The following CDH12 variants were observed in gnomAD, a reference collection of about 807,000 sequenced individuals.
CDH12 encodes cadherin 12, also known as cadherin-12.
In CDH12, 41 loss-of-function variants were observed where a neutral mutation model predicts 74.1. The ratio of observed to expected loss-of-function variants is 0.55; its 90% CI spans 0.43 to 0.72. The LOEUF is 0.72. CDH12 is among the 30% of genes least tolerant of loss of function. The pLI, the probability that CDH12 is intolerant of heterozygous loss-of-function variation, is 0.00. For synonymous variants in CDH12, 399 were observed against 355.0 expected (o/e 1.12, Z -1.39); for missense variants, 945 against 977.2 (o/e 0.97, Z 0.44).
chr5:22,762,368 T>C (rs1327126045), intron 1 of CDH12, among the ~76,000 whole-genome samples: 1 of 152,114 alleles, frequency 6.6e-6, no homozygotes, highest in Non-Finnish European at 1.5e-5. Context: ...ATTTGTTAGT[T>C]GTTAGATTTA....
At chr5:22,490,716 C>T (rs1279902239) in intron 2 of CDH12, among the ~76,000 whole-genome samples, 2 of 151,828 alleles carry the variant, frequency 1.3e-5, no homozygotes, top group Non-Finnish European at 2.9e-5. Flanking sequence ...TTAAATAAAC[C>T]CCACACAACT....
At chr5:22,031,362 A>G (rs1422292737) in intron 5 of CDH12, among the ~76,000 whole-genome samples, 1 of 152,086 alleles carries the variant, frequency 6.6e-6, no homozygotes, top group Non-Finnish European at 1.5e-5. Flanking sequence ...AAATAAAAAG[A>G]GAGAGAATGT....
intron 6 of CDH12, chr5:21,883,357 C>G: frequency 6.5e-7 from 1 of 1,527,170 alleles, no homozygotes; most frequent in South Asian, 1.1e-5. Context: ...AGTGTCCAGT[C>G]CATTGTACCT....
chr5:22,307,859 G>T (rs1738179916), intron 3 of CDH12, among the ~76,000 whole-genome samples: 1 of 132,814 alleles, frequency 7.5e-6, no homozygotes, highest in Non-Finnish European at 1.6e-5. Flanking sequence ...ATATATTTTT[G>T]CTGCTTTCTT....
chr5:22,432,435 T>G (rs1297574179), intron 2 of CDH12, among the ~76,000 whole-genome samples: 1 of 152,154 alleles, frequency 6.6e-6, no homozygotes, highest in Admixed American at 6.6e-5. Context: ...TTTTATTATT[T>G]ATGTTGGTAT....
At chr5:22,389,680 ACT>A (rs1742146704) in intron 3 of CDH12, among the ~76,000 whole-genome samples, 1 of 143,278 alleles carries the variant, frequency 7.0e-6, no homozygotes, top group Admixed American at 7.3e-5. Context: ...ACAGAGTCTC[ACT>A]CTGTCGCCAG....
At chr5:22,230,740 A>T (rs941387368) in intron 3 of CDH12, among the ~76,000 whole-genome samples, 16 of 152,060 alleles carry the variant, frequency 1.1e-4, no homozygotes, top group African/African-American at 3.9e-4. Flanking sequence ...AAGTGCTGGG[A>T]TTACAGTTGT....
chr5:22,617,440 T>C lies in CDH12; in HGVS notation c.-522-112076A>G, dbSNP rs141708055. Among the ~76,000 whole-genome samples the C allele has an allele frequency of 5.1e-4, 78 of 152,220 alleles. No individual in the cohort carries two copies. The East Asian group carries it at 0.015, about 29-fold the overall frequency. On this transcript the variant is annotated intron_variant, in intron 1 of 14. Transcript: ENST00000382254. Reference sequence around the variant, plus strand: ...GGGTAATAAAGCAGAGGGGAGATCATATGTTTAGGAAAAACTTCACATTGC... The same window carrying C: ...GGGTAATAAAGCAGAGGGGAGATCACATGTTTAGGAAAAACTTCACATTGC...
chr5:22,675,847 T>C lies in CDH12; in HGVS notation c.-522-170483A>G, dbSNP rs1741144794. On this transcript the variant is annotated intron_variant, in intron 1 of 14. Transcript: ENST00000382254. ...AATACAAACTTTAAATACATATTTG[T>C]ATATATTTATACTTTTGTATCTCAT... is the stretch of plus-strand genomic sequence containing the variant. Among the ~76,000 whole-genome samples the C allele has an allele frequency of 4.1e-5, 3 of 73,840 alleles. No individual in the cohort carries two copies. In the South Asian group the frequency reaches 1.4e-3, roughly 35 times the overall value. The allele number at this position is 73,840 out of a possible 152,430, so 48.4% of individuals were successfully genotyped here. A position where few individuals can be genotyped will look rare whatever the true frequency, so the allele number is the denominator to read the frequency against.
chr5:22,177,280 G>A (rs550667268), intron 4 of CDH12, among the ~76,000 whole-genome samples: 162 of 152,082 alleles, frequency 1.1e-3, no homozygotes, highest in African/African-American at 3.6e-3. Flanking sequence ...TACAGAAGTC[G>A]CTTTGCTTTT....
At chr5:22,258,884 G>C (rs1753412986) in intron 3 of CDH12, among the ~76,000 whole-genome samples, 1 of 152,090 alleles carries the variant, frequency 6.6e-6, no homozygotes. Context: ...CACACAGCAA[G>C]AATATCACCT....
chr5:22,135,142 T>C (rs964283425), intron 4 of CDH12, among the ~76,000 whole-genome samples: 3 of 144,982 alleles, frequency 2.1e-5, no homozygotes, highest in African/African-American at 5.1e-5. Flanking sequence ...TTGGAGACTA[T>C]AAGTGGATGC....
intron 3 of CDH12, among the ~76,000 whole-genome samples, chr5:22,399,039 C>G (rs967837669): frequency 6.6e-6 from 1 of 151,876 alleles, no homozygotes; most frequent in Non-Finnish European, 1.5e-5. Context: ...GTTTTGTTTG[C>G]TTTTGGTGTG....
intron 2 of CDH12, among the ~76,000 whole-genome samples, chr5:22,442,177 G>A (rs911173738): frequency 2.0e-5 from 3 of 152,204 alleles, no homozygotes; most frequent in African/African-American, 7.2e-5. Context: ...TGTGATATTG[G>A]ACATAGAAAT....
chr5:22,673,737 A>G (rs933252177), intron 1 of CDH12, among the ~76,000 whole-genome samples: 1 of 152,126 alleles, frequency 6.6e-6, no homozygotes, highest in Non-Finnish European at 1.5e-5. Flanking sequence ...TCACCTCCCT[A>G]TCAATGAACT....
chr5:22,743,813 C>A (rs189011530), intron 1 of CDH12, among the ~76,000 whole-genome samples: 1 of 151,854 alleles, frequency 6.6e-6, no homozygotes, highest in Non-Finnish European at 1.5e-5. Flanking sequence ...TCTTCAATGG[C>A]TGACATTATT....
chr5:22,322,901 G>A (rs58765913), intron 3 of CDH12, among the ~76,000 whole-genome samples: 64,843 of 151,956 alleles, frequency 0.43, 13,848 homozygotes, highest in South Asian at 0.49. Context: ...AGTTATACTT[G>A]GTTGAACAGA....
At chr5:22,133,687 T>TC (rs1746298512) in intron 4 of CDH12, among the ~76,000 whole-genome samples, 1 of 152,108 alleles carries the variant, frequency 6.6e-6, no homozygotes, top group African/African-American at 2.4e-5. Flanking sequence ...AGAAGCAATT[T>TC]CATGTGGATA....
chr5:21,984,721 A>T (rs1187488576), intron 5 of CDH12, among the ~76,000 whole-genome samples: 3 of 152,206 alleles, frequency 2.0e-5, no homozygotes, highest in African/African-American at 4.8e-5. Context: ...ATTTCCCTGT[A>T]CCAAAATCAT....
Sources: allele counts gnomAD v4.1 joint callset (sites outside exome capture counted in the v4.1 genomes callset), GRCh38; gene constraint gnomAD v4.1.1; transcripts MANE v1.5; gene names NCBI Gene and HGNC (gene_info 2026-07-23, HGNC 2026-07-21).